Variants in AGAP1 observed in about 807,000 individuals in gnomAD.
The protein encoded by AGAP1 is arf-GAP with GTPase, ANK repeat and PH domain-containing protein 1.
In AGAP1, 29 loss-of-function variants were observed where a neutral mutation model predicts 105.3. That is an observed-to-expected ratio of 0.28 (90% CI 0.21 to 0.38). The LOEUF (loss-of-function observed/expected upper bound fraction) is 0.38, where lower values mean the gene tolerates loss of function less well. Ranked by LOEUF, AGAP1 falls within the 10% of genes least tolerant of loss-of-function variation. The pLI is 1.00. For synonymous variants in AGAP1, 509 were observed against 485.9 expected (o/e 1.05, Z -0.63); for missense variants, 998 against 1,165.1 (o/e 0.86, Z 2.09).
intron 16 of AGAP1, among the ~76,000 whole-genome samples, chr2:236,110,970 G>A (rs917420142): frequency 6.6e-6 from 1 of 152,130 alleles, no homozygotes; most frequent in Non-Finnish European, 1.5e-5. Context: ...TCATTGCTAC[G>A]TCCTCACGTG....
At chr2:235,796,922 T>C (rs1206326626) in intron 6 of AGAP1, among the ~76,000 whole-genome samples, 1 of 152,218 alleles carries the variant, frequency 6.6e-6, no homozygotes, top group Non-Finnish European at 1.5e-5. Flanking sequence ...TTGACTTCCT[T>C]TCCAATTACA....
intron 1 of AGAP1, among the ~76,000 whole-genome samples, chr2:235,573,132 T>A (rs1041838441): frequency 2.2e-5 from 3 of 135,438 alleles, no homozygotes; most frequent in African/African-American, 3.2e-5. Context: ...AGATAGAATC[T>A]CACTCTGTTA....
At position 235,887,993 on chromosome 2, in the gene AGAP1, G is replaced by A. The variant is rs992248330; in HGVS notation, c.1155+4544G>A. 4.6e-5 allele frequency among the ~76,000 whole-genome samples: 7 copies of A among 152,168 alleles called. No homozygotes were observed. The highest frequency in any genetic ancestry group is 1.4e-4 in the African/African-American group (6 of 41,440). ...CGTGGTGGTGAGGCCTCTCCCTTCC[G>A]GCACAGACATTTATCTTCTGTCCAC... On this transcript the variant is annotated intron_variant, in intron 10 of 17. Coordinates refer to ENST00000304032, the MANE Select transcript of AGAP1 (RefSeq NM_001037131.3). This position sits in a 1 kb window ranked among gnomAD's most constrained non-coding sequence, Gnocchi z 4.1.
At chr2:235,645,710 G>T (rs1378640452) in intron 1 of AGAP1, among the ~76,000 whole-genome samples, 2 of 152,172 alleles carry the variant, frequency 1.3e-5, no homozygotes, top group Admixed American at 6.5e-5. Context: ...GGGGAGACAA[G>T]GTCGGCCTGA....
rs2059458301 is a variant in AGAP1, at chr2:236,105,389, TACAC to T, written c.2115-14801_2115-14798del. Among the ~76,000 whole-genome samples the T allele has an allele frequency of 6.6e-6, 1 of 151,834 alleles. No homozygotes were observed. On this transcript the variant is annotated intron_variant, in intron 16 of 17. Coordinates refer to ENST00000304032, the MANE Select transcript of AGAP1 (RefSeq NM_001037131.3). This position sits in a 1 kb window ranked among gnomAD's most constrained non-coding sequence, Gnocchi z 4.2. Reference sequence around the variant, plus strand: ...GTGAGCTGTGCCTGCTGTAACAAAATACACAACAGAAAGTATTCCTCACACTTCT... The same window carrying T: ...GTGAGCTGTGCCTGCTGTAACAAAATAACAGAAAGTATTCCTCACACTTCT...
intron 13 of AGAP1, among the ~76,000 whole-genome samples, chr2:236,025,436 G>C (rs1325178820): frequency 6.6e-6 from 1 of 152,118 alleles, no homozygotes. Flanking sequence ...TCGGTGATTT[G>C]AATAAGGCTC....
rs1279114102 is a variant in AGAP1, at chr2:235,963,089, T to G, written c.1484-5373T>G. Among the ~76,000 whole-genome samples, 1 of 151,876 alleles carries G rather than the reference T, an allele frequency of 6.6e-6. No homozygotes were observed. The highest frequency in any genetic ancestry group is 2.4e-5 in the African/African-American group (1 of 41,348). ...GCTGTGGTGGTCTCTTAGAGGAAGG[T>G]GGGTGGTGGTATTTCCAAGTGCTGT... On this transcript the variant is annotated intron_variant, in intron 12 of 17. Transcript: ENST00000304032. The surrounding 1 kb of genome is among the most constrained non-coding windows in gnomAD (Gnocchi z 5.1).
chr2:235,702,335 T>C (rs761014482), intron 1 of AGAP1, among the ~76,000 whole-genome samples: 2 of 152,182 alleles, frequency 1.3e-5, no homozygotes, highest in Non-Finnish European at 1.5e-5. Context: ...TAATGAAGAA[T>C]GTGGGGGAGC....
chr2:235,825,091 T>C (rs754051660), intron 9 of AGAP1, among the ~76,000 whole-genome samples: 39 of 151,514 alleles, frequency 2.6e-4, no homozygotes, highest in Non-Finnish European at 5.0e-4. Flanking sequence ...TGAAAGAAAA[T>C]GAGACCTGTT....
intron 9 of AGAP1, chr2:235,853,189 A>C: frequency 1.2e-5 from 13 of 1,071,464 alleles, no homozygotes; most frequent in Non-Finnish European, 1.5e-5. Context: ...TAAAACATTA[A>C]AATCCAAGAT....
At chr2:235,672,049 C>CA (rs35296424) in intron 1 of AGAP1, among the ~76,000 whole-genome samples, 9,866 of 145,874 alleles carry the variant, frequency 0.068, 986 homozygotes, top group African/African-American at 0.22. Flanking sequence ...TTTTTACCAC[C>CA]AAAAAAAAAA....
At chr2:235,910,807 C>G (rs575472576) in intron 11 of AGAP1, among the ~76,000 whole-genome samples, 1 of 152,112 alleles carries the variant, frequency 6.6e-6, no homozygotes, top group Admixed American at 6.5e-5. Flanking sequence ...ATTCCAGCTA[C>G]TCAGGAGGCT....
intron 1 of AGAP1, among the ~76,000 whole-genome samples, chr2:235,649,477 G>A (rs1319610293): frequency 2.0e-5 from 3 of 152,200 alleles, no homozygotes; most frequent in Admixed American, 6.5e-5. Context: ...GGGCATAAGC[G>A]ATCCTCCCAC....
chr2:236,077,138 AAAAAATAT>A (rs931375989), intron 16 of AGAP1, among the ~76,000 whole-genome samples: 4 of 139,236 alleles, frequency 2.9e-5, no homozygotes, highest in African/African-American at 8.6e-5. Context: ...AAAAAAAAAA[AAAAAATAT>A]ATATATATAT....
intron 6 of AGAP1, among the ~76,000 whole-genome samples, chr2:235,764,184 A>G (rs1954718004): frequency 6.6e-6 from 1 of 152,234 alleles, no homozygotes; most frequent in Non-Finnish European, 1.5e-5. Flanking sequence ...CCTTACAGAC[A>G]AATATCTGAA....
At chr2:235,649,057 A>C (rs1371763315) in intron 1 of AGAP1, among the ~76,000 whole-genome samples, 2 of 152,178 alleles carry the variant, frequency 1.3e-5, no homozygotes, top group Non-Finnish European at 2.9e-5. Flanking sequence ...CCCAGATGAG[A>C]GTAGTTACAC....
At chr2:235,885,817 T>TTA (rs565890971) in intron 10 of AGAP1, among the ~76,000 whole-genome samples, 277 of 152,370 alleles carry the variant, frequency 1.8e-3, no homozygotes, top group African/African-American at 6.1e-3. Flanking sequence ...CTCCCATGCG[T>TTA]TACTATTCAG....
intron 12 of AGAP1, among the ~76,000 whole-genome samples, chr2:235,944,546 A>G (rs1226813542): frequency 1.3e-5 from 2 of 152,252 alleles, no homozygotes; most frequent in Non-Finnish European, 2.9e-5. Flanking sequence ...TGGGAAACTC[A>G]ACTTCAAACC....
chr2:235,857,042 GGTGGT>G (rs1418763253), intron 9 of AGAP1, among the ~76,000 whole-genome samples: 2 of 152,176 alleles, frequency 1.3e-5, no homozygotes, highest in Non-Finnish European at 2.9e-5. Context: ...TGGAGACGCA[GGTGGT>G]GAGCCTGAGA....
Sources: allele counts gnomAD v4.1 joint callset (sites outside exome capture counted in the v4.1 genomes callset), GRCh38; gene constraint gnomAD v4.1.1; non-coding constraint Gnocchi (gnomAD v3.1); transcripts MANE v1.5; gene names NCBI Gene and HGNC (gene_info 2026-07-23, HGNC 2026-07-21).